LPIN1: variants seen among roughly 807,000 people sequenced by gnomAD.
LPIN1 encodes phosphatidate phosphatase LPIN1.
A neutral mutation model predicts 107.5 loss-of-function variants in LPIN1; 71 were observed. That is an observed-to-expected ratio of 0.66 (90% CI 0.55 to 0.80). The LOEUF is 0.80. LPIN1 is among the 30% of genes least tolerant of loss of function. The probability of loss-of-function intolerance (pLI) is 0.00; values close to 1 mark genes in which losing one functional copy is unlikely to be tolerated. For missense variants in LPIN1, 1,043 were observed against 1,160.6 expected, an observed-to-expected ratio of 0.90 and a Z score of 1.47; for synonymous variants, 445 against 452.6, an observed-to-expected ratio of 0.98 and a Z score of 0.21.
chr2:11,738,740 G>A (rs1666041678), intron 1 of LPIN1, among the ~76,000 whole-genome samples: 1 of 152,198 alleles, frequency 6.6e-6, no homozygotes, highest in African/African-American at 2.4e-5. Context: ...TGGGCTTCCG[G>A]GAGGCCAAGG....
chr2:11,722,407 C>T (rs183335799), upstream of LPIN1: 2 of 152,252 alleles, frequency 1.3e-5, no homozygotes, highest in Admixed American at 1.3e-4. Flanking sequence ...GGTTTGGTCA[C>T]CCCTTTTGTC....
chr2:11,713,080 G>A (rs1338906869), intron 1 of LPIN1, among the ~76,000 whole-genome samples: 1 of 152,226 alleles, frequency 6.6e-6, no homozygotes, highest in East Asian at 1.9e-4. Flanking sequence ...CAGCACTTGA[G>A]TCATGTCTTC....
chr2:11,754,164 C>T (rs935925539), intron 1 of LPIN1, among the ~76,000 whole-genome samples: 4 of 152,196 alleles, frequency 2.6e-5, no homozygotes, highest in African/African-American at 9.7e-5. Flanking sequence ...CCACGAGCAG[C>T]AGCCAGGTCT....
chr2:11,725,320 A>G (rs566533769), intron 1 of LPIN1, among the ~76,000 whole-genome samples: 1 of 152,368 alleles, frequency 6.6e-6, no homozygotes, highest in African/African-American at 2.4e-5. Flanking sequence ...AGGAATTGCC[A>G]TTAGATGCAT....
intron 1 of LPIN1, among the ~76,000 whole-genome samples, chr2:11,736,870 A>G (rs1407686809): frequency 6.6e-6 from 1 of 152,124 alleles, no homozygotes; most frequent in Non-Finnish European, 1.5e-5. Context: ...GCTCATGTTC[A>G]TGGCATGCCT....
chr2:11,759,007 C>T (rs1276504215), intron 1 of LPIN1, among the ~76,000 whole-genome samples: 3 of 152,206 alleles, frequency 2.0e-5, no homozygotes, highest in South Asian at 2.1e-4. Context: ...TGTCTTGGAA[C>T]GGATAGAGCT....
chr2:11,728,504 C>A (rs1664880500), intron 1 of LPIN1, among the ~76,000 whole-genome samples: 1 of 152,156 alleles, frequency 6.6e-6, no homozygotes, highest in African/African-American at 2.4e-5. Context: ...CCCACCTCAG[C>A]CTCCCAAGTA....
At chr2:11,730,446 A>C (rs1024831979) in intron 1 of LPIN1, among the ~76,000 whole-genome samples, 1 of 152,216 alleles carries the variant, frequency 6.6e-6, no homozygotes, top group African/African-American at 2.4e-5. Flanking sequence ...TCAACGTATT[A>C]AGCATAATTT....
At chr2:11,795,575 C>G in intron 14 of LPIN1, 88 bp downstream of exon 14, 1 of 1,155,476 alleles carries the variant, frequency 8.7e-7, no homozygotes, top group Admixed American at 1.7e-5. Flanking sequence ...ATAGGGTTCA[C>G]CACACAGTTC....
intron 2 of LPIN1, among the ~76,000 whole-genome samples, chr2:11,766,272 C>T (rs775838096): frequency 6.6e-6 from 1 of 151,914 alleles, no homozygotes; most frequent in Non-Finnish European, 1.5e-5. Flanking sequence ...GTCACGTCTG[C>T]TGTGCTCTAC....
chr2:11,812,593 C>A (rs780279749), intron 17 of LPIN1, among the ~76,000 whole-genome samples: 14 of 151,828 alleles, frequency 9.2e-5, no homozygotes, highest in Admixed American at 6.6e-4. Flanking sequence ...ATGAGCGTGG[C>A]GAGTTGGAGG....
upstream of LPIN1, among the ~76,000 whole-genome samples, chr2:11,719,467 A>G (rs1057134894): frequency 2.6e-4 from 39 of 152,300 alleles, no homozygotes; most frequent in African/African-American, 8.9e-4. Flanking sequence ...AGTCCAGGGT[A>G]TAGCTTGCTC....
chr2:11,804,118 G>A (rs1678237451), intron 15 of LPIN1, among the ~76,000 whole-genome samples: 1 of 151,988 alleles, frequency 6.6e-6, no homozygotes, highest in Non-Finnish European at 1.5e-5. Flanking sequence ...TTGAATCCTG[G>A]CTAATGACTG....
chr2:11,788,933 C>T (rs1284498539), intron 12 of LPIN1, among the ~76,000 whole-genome samples: 5 of 152,202 alleles, frequency 3.3e-5, no homozygotes, highest in Admixed American at 3.3e-4. Flanking sequence ...AGGGCCTGGA[C>T]AGCTCCCAGT....
At chr2:11,789,590 A>G (rs1473427516) in intron 12 of LPIN1, among the ~76,000 whole-genome samples, 7 of 151,914 alleles carry the variant, frequency 4.6e-5, no homozygotes, top group Non-Finnish European at 1.0e-4. Flanking sequence ...GTGTGTGTGC[A>G]TGTGTTGTGT....
chr2:11,764,523 C>G (rs541329258), intron 1 of LPIN1, among the ~76,000 whole-genome samples: 1 of 152,324 alleles, frequency 6.6e-6, no homozygotes, highest in African/African-American at 2.4e-5. Context: ...TTCTTTATCT[C>G]TGGTGTGGCC....
intron 1 of LPIN1, among the ~76,000 whole-genome samples, chr2:11,736,239 A>G (rs1465769279): frequency 1.3e-5 from 2 of 152,198 alleles, no homozygotes; most frequent in Non-Finnish European, 2.9e-5. Flanking sequence ...GTCTTAGGTC[A>G]GGCTGCTAGA....
chr2:11,753,962 GGGC>G (rs1357404979), intron 1 of LPIN1, among the ~76,000 whole-genome samples: 7 of 152,148 alleles, frequency 4.6e-5, no homozygotes, highest in Non-Finnish European at 1.0e-4. Context: ...ATCCAGTGCT[GGGC>G]GGACCACAGA....
intron 1 of LPIN1, among the ~76,000 whole-genome samples, chr2:11,731,720 C>T (rs1370689804): frequency 2.0e-5 from 3 of 152,202 alleles, no homozygotes; most frequent in African/African-American, 7.2e-5. Context: ...TCCACAGCCT[C>T]GCCAGCATCT....
Sources: allele counts gnomAD v4.1 joint callset (sites outside exome capture counted in the v4.1 genomes callset), GRCh38; gene constraint gnomAD v4.1.1; transcripts MANE v1.5; gene names NCBI Gene and HGNC (gene_info 2026-07-23, HGNC 2026-07-21).